The following SOX5 variants were observed in gnomAD, a reference collection of about 807,000 sequenced individuals.
The protein encoded by SOX5 is SRY-box transcription factor 5, also known as transcription factor SOX-5.
SOX5 carries 9 observed loss-of-function variants against 92.0 expected under a neutral mutation model. The observed-to-expected ratio is 0.10, with a 90% CI of 0.06 to 0.17. SOX5 has a LOEUF of 0.17. SOX5 is among the 10% of genes least tolerant of loss of function. The pLI is 1.00. For missense variants in SOX5, 642 were observed against 944.5 expected (o/e 0.68, Z 4.20); for synonymous variants, 344 against 336.3 (o/e 1.02, Z -0.25).
chr12:24,027,273 C>A (rs963249350), intron 4 of SOX5, among the ~76,000 whole-genome samples: 1 of 151,886 alleles, frequency 6.6e-6, no homozygotes, highest in Non-Finnish European at 1.5e-5. Flanking sequence ...ACTTCTGGCA[C>A]CATCTGTATT....
At chr12:23,573,756 G>A (rs1346328711) in intron 10 of SOX5, among the ~76,000 whole-genome samples, 3 of 152,062 alleles carry the variant, frequency 2.0e-5, no homozygotes, top group African/African-American at 7.2e-5. Context: ...AGGTTATTTC[G>A]TGATATAAAC....
chr12:24,126,309 T>A (rs1282591797), intron 4 of SOX5, among the ~76,000 whole-genome samples: 2 of 152,108 alleles, frequency 1.3e-5, no homozygotes, highest in African/African-American at 2.4e-5. Flanking sequence ...AACATCTCCA[T>A]TACAGGCCTT....
intron 1 of SOX5, among the ~76,000 whole-genome samples, chr12:24,452,767 A>G (rs1437474361): frequency 6.6e-6 from 1 of 152,168 alleles, no homozygotes; most frequent in Non-Finnish European, 1.5e-5. Flanking sequence ...TAACCTTACC[A>G]AGGACCTCAA....
chr12:24,469,302 C>T (rs1201502174), intron 1 of SOX5, among the ~76,000 whole-genome samples: 1 of 152,154 alleles, frequency 6.6e-6, no homozygotes, highest in Non-Finnish European at 1.5e-5. Context: ...TGCTCACCCA[C>T]CACTCACCTC....
At chr12:24,174,219 G>A (rs577782834) in intron 4 of SOX5, among the ~76,000 whole-genome samples, 5 of 152,064 alleles carry the variant, frequency 3.3e-5, no homozygotes, top group Admixed American at 1.3e-4. Context: ...GGATGGTCTC[G>A]AACTCCTCAG....
chr12:24,387,913 T>A (rs1958595127), intron 1 of SOX5, among the ~76,000 whole-genome samples: 1 of 152,176 alleles, frequency 6.6e-6, no homozygotes, highest in Non-Finnish European at 1.5e-5. Context: ...GAATATTCCC[T>A]CTGCTTTCTC....
intron 2 of SOX5, 137 bp downstream of exon 2, chr12:23,895,656 T>C (rs1205747929): frequency 6.2e-6 from 4 of 649,186 alleles, no homozygotes; most frequent in African/African-American, 1.8e-5. Context: ...TAAAGAATTC[T>C]AAGACGCCAG....
chr12:23,932,162 A>G (rs2139236145), intron 1 of SOX5, among the ~76,000 whole-genome samples: 1 of 151,756 alleles, frequency 6.6e-6, no homozygotes, highest in African/African-American at 2.4e-5. Flanking sequence ...AAAAAGAATG[A>G]TGGTCCAATA....
chr12:24,016,695 G>T (rs570974760), intron 4 of SOX5, among the ~76,000 whole-genome samples: 1 of 152,162 alleles, frequency 6.6e-6, no homozygotes, highest in Non-Finnish European at 1.5e-5. Context: ...TTTGGCGTCC[G>T]CCTTTTGGAA....
chr12:23,794,936 A>T (rs1019331451), intron 3 of SOX5, among the ~76,000 whole-genome samples: 1 of 152,044 alleles, frequency 6.6e-6, no homozygotes, highest in Non-Finnish European at 1.5e-5. Context: ...AATTTTTTTT[A>T]ACAATTCCGC....
At chr12:23,949,244 T>C (rs544452794) in intron 1 of SOX5, among the ~76,000 whole-genome samples, 4 of 152,074 alleles carry the variant, frequency 2.6e-5, no homozygotes, top group Non-Finnish European at 4.4e-5. Flanking sequence ...AAACAATCAA[T>C]GAAGGAAGAA....
At chr12:23,991,532 C>T (rs1950557237) in intron 4 of SOX5, among the ~76,000 whole-genome samples, 1 of 151,760 alleles carries the variant, frequency 6.6e-6, no homozygotes, top group South Asian at 2.1e-4. Context: ...TTCCGATTTT[C>T]CAGTTATAAA....
chr12:24,311,769 A>G (rs1949199189), intron 2 of SOX5, among the ~76,000 whole-genome samples: 1 of 152,206 alleles, frequency 6.6e-6, no homozygotes, highest in Non-Finnish European at 1.5e-5. Context: ...GGCCAGTCAT[A>G]GTATCCCCAG....
At chr12:24,311,244 GT>G (rs1949141558) in intron 2 of SOX5, among the ~76,000 whole-genome samples, 1 of 152,130 alleles carries the variant, frequency 6.6e-6, no homozygotes, top group Non-Finnish European at 1.5e-5. Context: ...TACTTCTATT[GT>G]CCAATCATGT....
rs200828359 is a variant in SOX5, at chr12:24,275,590, T to G, written c.-77+1626A>C. Among the ~76,000 whole-genome samples, 4 of 152,294 alleles carry G rather than the reference T, an allele frequency of 2.6e-5. No individual in the cohort carries two copies. In the East Asian group the frequency reaches 7.7e-4, roughly 29 times the overall value. On this transcript the variant is annotated intron_variant, in intron 3 of 4. Transcript: ENST00000446891. ...CAAATTTATTTAGCCACTGCTCTAC[T>G]GCTGAACAGTTAAATCTATCTAAAA...
chr12:23,966,781 T>A (rs7964111), intron 4 of SOX5, among the ~76,000 whole-genome samples: 1 of 152,114 alleles, frequency 6.6e-6, no homozygotes, highest in Non-Finnish European at 1.5e-5. Flanking sequence ...ATATTACAAC[T>A]GATACAAAAA....
chr12:23,974,914 C>G (rs755326228), intron 4 of SOX5, among the ~76,000 whole-genome samples: 1 of 151,948 alleles, frequency 6.6e-6, no homozygotes, highest in Non-Finnish European at 1.5e-5. Context: ...AGAAAATATT[C>G]TAGATATGTT....
intron 4 of SOX5, among the ~76,000 whole-genome samples, chr12:24,066,180 T>A (rs7296480): frequency 0.39 from 59,023 of 151,976 alleles, 11,879 homozygotes; most frequent in Non-Finnish European, 0.45. Context: ...AAAGATACAA[T>A]CTCTTCTCTT....
intron 1 of SOX5, among the ~76,000 whole-genome samples, chr12:24,543,741 C>A (rs1251866889): frequency 6.6e-6 from 1 of 152,138 alleles, no homozygotes; most frequent in African/African-American, 2.4e-5. Context: ...AAGCAATTAA[C>A]AACAAGTAAG....
Sources: gnomAD v4.1 joint callset for allele counts (sites outside exome capture counted in the v4.1 genomes callset) on GRCh38, gnomAD v4.1.1 for gene constraint, MANE v1.5 for transcripts, NCBI Gene and HGNC (gene_info 2026-07-23, HGNC 2026-07-21) for gene names.